RAP2C: variants seen among roughly 807,000 people sequenced by gnomAD.
RAP2C encodes the protein RAP2C, member of RAS oncogene family, also known as ras-related protein Rap-2c.
In RAP2C, 3 loss-of-function variants were observed where a neutral mutation model predicts 8.9. The ratio of observed to expected loss-of-function variants is 0.34; its 90% CI spans 0.15 to 0.87. RAP2C has a LOEUF of 0.87. RAP2C is among the 40% of genes least tolerant of loss of function. The pLI, the probability that RAP2C is intolerant of heterozygous loss-of-function variation, is 0.51. For missense variants in RAP2C, 76 were observed against 133.7 expected (o/e 0.57, Z 2.13); for synonymous variants, 60 against 52.1 (o/e 1.15, Z -0.65).
intron 2 of RAP2C, 86 bp downstream of exon 2, chrX:132,218,146 C>T (rs1217495328): frequency 2.2e-5 from 2 of 89,567 alleles, no homozygotes; most frequent in African/African-American, 8.0e-5. Flanking sequence ...CAAGCACACA[C>T]CCGGAAGGGT....
intron 1 of RAP2C, chrX:132,218,938 T>C (rs1318922684): frequency 8.9e-6 from 1 of 112,810 alleles, no homozygotes; most frequent in Non-Finnish European, 1.9e-5. Flanking sequence ...TGGCTGGCTC[T>C]TACATGCTGA....
intron 4 of RAP2C, among the ~76,000 whole-genome samples, chrX:132,214,783 GCC>G (rs1930526518): frequency 9.0e-6 from 1 of 111,256 alleles, no homozygotes; most frequent in Non-Finnish European, 1.9e-5. Flanking sequence ...AGGATGTTTG[GCC>G]ATCTCCCTAA....
Position 132,205,023 on chromosome X carries a change from T to C in RAP2C, c.*599A>G, listed in dbSNP as rs1930234765. 1 of 109,118 alleles carries C rather than the reference T, an allele frequency of 9.2e-6. No homozygotes were observed. Among genetic ancestry groups the C allele is most frequent in the Non-Finnish European group, 1.9e-5 (1 of 52,272 alleles). 9.0% of individuals were successfully genotyped at this position (109,118 alleles called of 1,213,427 possible). On this transcript the variant is annotated 3_prime_UTR_variant, in exon 6 of 6. Coordinates refer to ENST00000370874, the MANE Select transcript of RAP2C (RefSeq NM_001271186.2). ...AACAAAACACATCACAAACTGCACT[T>C]GAAGAAAAGGGATATTCCATCCATA...
At position 132,203,362 on chromosome X, in the gene RAP2C, G is replaced by A. The variant is rs987796021; in HGVS notation, c.*2260C>T. 1 of 111,301 alleles carries A rather than the reference G, an allele frequency of 9.0e-6. No homozygotes were observed. Among genetic ancestry groups the A allele is most frequent in the East Asian group, 2.8e-4 (1 of 3,573 alleles). The allele number at this position is 111,301 out of a possible 1,213,427, so 9.2% of individuals were successfully genotyped here. On this transcript the variant is annotated 3_prime_UTR_variant, in exon 6 of 6. Transcript: ENST00000370874. Reference sequence around the variant, plus strand: ...TAATAAGCAACATGCAATCTATTGAGGAAGCTAAAATAACTTTTGGTCCCT... The same window carrying A: ...TAATAAGCAACATGCAATCTATTGAAGAAGCTAAAATAACTTTTGGTCCCT...
chrX:132,207,650 A>G (rs1930309636), intron 5 of RAP2C, among the ~76,000 whole-genome samples: 1 of 112,354 alleles, frequency 8.9e-6, no homozygotes, highest in African/African-American at 3.2e-5. Flanking sequence ...TGCATTAAAC[A>G]AAAACAACAG....
rs764417029 is a variant in RAP2C at position 132,217,298 on chromosome X, G to T, written c.-30C>A. ...CTCACCTTCACCAACTCCTACCAGA[G>T]GGGGGGAAAGATCACCCCGCTAGCT... On this transcript the variant is annotated 5_prime_UTR_variant, in exon 4 of 6. Transcript: ENST00000370874. 9.5e-7 allele frequency: 1 copy of T among 1,056,128 alleles called. No homozygotes were observed. Among genetic ancestry groups the T allele is most frequent in the Non-Finnish European group, 1.2e-6 (1 of 812,228 alleles). 87.0% of individuals were successfully genotyped at this position (1,056,128 alleles called of 1,213,427 possible).
chrX:132,203,237 T>G lies in RAP2C; in HGVS notation c.*2385A>C, dbSNP rs962093211. 8.9e-6 allele frequency: 1 copy of G among 112,202 alleles called. No homozygotes were observed. Among genetic ancestry groups the G allele is most frequent in the Non-Finnish European group, 1.9e-5 (1 of 53,145 alleles). 9.2% of individuals were successfully genotyped at this position (112,202 alleles called of 1,213,427 possible). A position where few individuals can be genotyped will look rare whatever the true frequency, so the allele number is the denominator to read the frequency against. ...AGATCCATGATAATAGGTTACATTA[T>G]TTTATTTGCAGAGCCCTACTGCAGT... On this transcript the variant is annotated 3_prime_UTR_variant, in exon 6 of 6. Transcript: ENST00000370874.
rs1048089920 is a variant in RAP2C, at chrX:132,207,065, T to C, written c.*35-1478A>G. Reference sequence around the variant, plus strand: ...CTAAGGAGCTTTATATTTTTTAGCCTAGCTGGAATTTCTATACCTACTTGA... The same window carrying C: ...CTAAGGAGCTTTATATTTTTTAGCCCAGCTGGAATTTCTATACCTACTTGA... On this transcript the variant is annotated intron_variant, in intron 5 of 5. Coordinates refer to ENST00000370874, the MANE Select transcript of RAP2C (RefSeq NM_001271186.2). Among the ~76,000 whole-genome samples, 3 of 111,960 alleles carry C rather than the reference T, an allele frequency of 2.7e-5. 1 individual carries two copies. Among genetic ancestry groups the C allele is most frequent in the African/African-American group, 9.7e-5 (3 of 30,882 alleles).
In RAP2C at chrX:132,206,674, A is replaced by C. The variant is rs530792328; in HGVS notation, c.*35-1087T>G. On this transcript the variant is annotated intron_variant, in intron 5 of 5. Coordinates refer to ENST00000370874, the MANE Select transcript of RAP2C (RefSeq NM_001271186.2). ...AATTTTAATTTCATTTGACAGCTAC[A>C]CTTCTATTAGTGCTCAAAGAGCCTG... is the stretch of plus-strand genomic sequence containing the variant. 4.5e-5 allele frequency among the ~76,000 whole-genome samples: 5 copies of C among 112,222 alleles called. No individual in the cohort carries two copies. The South Asian group carries it at 1.1e-3, about 25-fold the overall frequency.
At chrX:132,212,731 A>G (rs183239941) in intron 5 of RAP2C, among the ~76,000 whole-genome samples, 25 of 112,107 alleles carry the variant, frequency 2.2e-4, no homozygotes, top group Non-Finnish European at 3.9e-4. Context: ...AAGGAGAGAG[A>G]TTACAGCAGC....
At chrX:132,211,316 A>G (rs1930423849) in intron 5 of RAP2C, among the ~76,000 whole-genome samples, 2 of 111,418 alleles carry the variant, frequency 1.8e-5, no homozygotes, top group African/African-American at 6.5e-5. Flanking sequence ...CAAAACATCA[A>G]TCCTTCTCAA....
intron 5 of RAP2C, among the ~76,000 whole-genome samples, chrX:132,212,402 T>C (rs945267777): frequency 9.0e-6 from 1 of 111,401 alleles, no homozygotes; most frequent in African/African-American, 3.3e-5. Flanking sequence ...AACTCAGAAA[T>C]GATTCAGAAG....
At position 132,207,235 on chromosome X, in the gene RAP2C, C is replaced by T. The variant is rs1038647123; in HGVS notation, c.*35-1648G>A. Among the ~76,000 whole-genome samples, 4 of 111,290 alleles carry T rather than the reference C, an allele frequency of 3.6e-5. No homozygotes were observed. In the Admixed American group the frequency reaches 3.8e-4, roughly 11 times the overall value. On this transcript the variant is annotated intron_variant, in intron 5 of 5. Transcript: ENST00000370874. ...TTTTCATTTCCTTTTTTAAATCAAACAATTATAAAGAGGTTGGGATTTTCA... is the reference window on the plus strand; with the variant it reads ...TTTTCATTTCCTTTTTTAAATCAAATAATTATAAAGAGGTTGGGATTTTCA...
rs1160456633 is a variant in RAP2C, at chrX:132,203,797, G to T, written c.*1825C>A. 1 of 111,848 alleles carries T rather than the reference G, an allele frequency of 8.9e-6. No individual in the cohort carries two copies. The highest frequency in any genetic ancestry group is 1.9e-5 in the Non-Finnish European group (1 of 53,010). 9.2% of individuals were successfully genotyped at this position (111,848 alleles called of 1,213,427 possible). A position where few individuals can be genotyped will look rare whatever the true frequency, so the allele number is the denominator to read the frequency against. On this transcript the variant is annotated 3_prime_UTR_variant, in exon 6 of 6. Transcript: ENST00000370874. ...AAGCAGTTCATAAATAAGGAACAAT[G>T]TTTCAATTGCCTCTATCTTTACAAT... is the stretch of plus-strand genomic sequence containing the variant.
intron 5 of RAP2C, among the ~76,000 whole-genome samples, chrX:132,213,740 A>G (rs1286886597): frequency 8.9e-6 from 1 of 112,268 alleles, no homozygotes; most frequent in Non-Finnish European, 1.9e-5. Flanking sequence ...ACATAAAAAC[A>G]TAAAAGTACA....
intron 5 of RAP2C, among the ~76,000 whole-genome samples, chrX:132,206,469 CA>C (rs912380664): frequency 8.9e-6 from 1 of 112,180 alleles, no homozygotes; most frequent in African/African-American, 3.2e-5. Context: ...GAGCGTCCTT[CA>C]ACTGTGCTGA....
intron 5 of RAP2C, among the ~76,000 whole-genome samples, chrX:132,206,088 G>A (rs1930266132): frequency 9.0e-6 from 1 of 110,787 alleles, no homozygotes; most frequent in Non-Finnish European, 1.9e-5. Flanking sequence ...CATTCAGGCC[G>A]GGCACAGTGG....
intron 4 of RAP2C, among the ~76,000 whole-genome samples, chrX:132,216,752 ATTTC>A (rs1930605852): frequency 1.8e-5 from 2 of 112,461 alleles, no homozygotes; most frequent in Admixed American, 1.9e-4. Flanking sequence ...ACAGACTGAC[ATTTC>A]TTTTTCACTT....
In RAP2C at chrX:132,203,558, AG is replaced by A; in HGVS notation, c.*2063del. On this transcript the variant is annotated 3_prime_UTR_variant, in exon 6 of 6. Coordinates refer to ENST00000370874, the MANE Select transcript of RAP2C (RefSeq NM_001271186.2). ...GAGAGAGAGAGAGAGAGAGAGAGAG[AG>A]AGAAACAAGAACACAATCTACAGGA... The A allele has an allele frequency of 1.1e-5, 1 of 91,836 alleles. No individual in the cohort carries two copies. Among genetic ancestry groups the A allele is most frequent in the Non-Finnish European group, 2.2e-5 (1 of 44,803 alleles). 7.6% of individuals were successfully genotyped at this position (91,836 alleles called of 1,213,427 possible).
Sources: allele counts gnomAD v4.1 joint callset (sites outside exome capture counted in the v4.1 genomes callset), GRCh38; gene constraint gnomAD v4.1.1; transcripts MANE v1.5; gene names NCBI Gene and HGNC (gene_info 2026-07-23, HGNC 2026-07-21).